The following ZEB1 variants were observed in gnomAD, a reference collection of about 807,000 sequenced individuals.
ZEB1 encodes zinc finger E-box binding homeobox 1, also known as zinc finger E-box-binding homeobox 1.
ZEB1 carries 21 observed loss-of-function variants against 84.9 expected under a neutral mutation model. The observed-to-expected ratio is 0.25, with a 90% CI of 0.18 to 0.36. The LOEUF (loss-of-function observed/expected upper bound fraction) is 0.36, where lower values mean the gene tolerates loss of function less well. ZEB1 is among the 10% of genes least tolerant of loss of function. The pLI is 1.00. For synonymous variants in ZEB1, 420 were observed against 471.1 expected, an observed-to-expected ratio of 0.89 and a Z score of 1.41; for missense variants, 1,104 against 1,330.2, an observed-to-expected ratio of 0.83 and a Z score of 2.65.
At chr10:31,448,175 G>C (rs1353089172) in intron 1 of ZEB1, among the ~76,000 whole-genome samples, 1 of 139,074 alleles carries the variant, frequency 7.2e-6, no homozygotes, top group Non-Finnish European at 1.5e-5. Context: ...ATCTTCCATC[G>C]CTGATACCCT....
chr10:31,409,323 T>C (rs1162950818), intron 1 of ZEB1, among the ~76,000 whole-genome samples: 1 of 152,164 alleles, frequency 6.6e-6, no homozygotes, highest in Non-Finnish European at 1.5e-5. Flanking sequence ...TCAACCATTG[T>C]GGAAGTCAGT....
intron 8 of ZEB1, among the ~76,000 whole-genome samples, 163 bp from the exon 9 acceptor site, chr10:31,526,509 C>T (rs1034337674): frequency 1.3e-5 from 2 of 152,024 alleles, no homozygotes; most frequent in Non-Finnish European, 1.5e-5. Flanking sequence ...AAAGAACAAA[C>T]CAAATTGCAA....
rs562460337 is a variant in ZEB1, at chr10:31,339,278, T to A, written c.58+19986T>A. On this transcript the variant is annotated intron_variant, in intron 1 of 8. Transcript: ENST00000424869. ...CTTAACTTTCAGTGACACATGGTTT[T>A]AACAGGCAAAACACATGACTGTTAA... Among the ~76,000 whole-genome samples the A allele has an allele frequency of 2.0e-5, 3 of 152,332 alleles. No homozygotes were observed. In the South Asian group the frequency reaches 6.2e-4, roughly 32 times the overall value.
chr10:31,400,921 A>G (rs1442332657), intron 1 of ZEB1, among the ~76,000 whole-genome samples: 2 of 152,186 alleles, frequency 1.3e-5, no homozygotes, highest in Admixed American at 1.3e-4. Context: ...AATTTTCTCA[A>G]TTATGACATA....
At chr10:31,474,216 T>C (rs1320892604) in intron 2 of ZEB1, among the ~76,000 whole-genome samples, 1 of 151,982 alleles carries the variant, frequency 6.6e-6, no homozygotes, top group Non-Finnish European at 1.5e-5. Context: ...AAATGGGATC[T>C]AATTAAACTA....
chr10:31,502,867 GTCT>G (rs1177916580), intron 4 of ZEB1, among the ~76,000 whole-genome samples: 2 of 152,088 alleles, frequency 1.3e-5, no homozygotes, highest in Non-Finnish European at 2.9e-5. Context: ...AAATATGGTT[GTCT>G]GCTTTATACC....
intron 1 of ZEB1, among the ~76,000 whole-genome samples, chr10:31,446,869 C>T (rs2059851302): frequency 6.6e-6 from 1 of 151,900 alleles, no homozygotes; most frequent in Admixed American, 6.6e-5. Flanking sequence ...TGGTGTGGTG[C>T]TGAAAAAAAT....
At position 31,502,399 on chromosome 10, in the gene ZEB1, C is replaced by G. The variant is rs771008484; in HGVS notation, c.374C>G (p.Pro125Arg). Residue 125 changes from proline (P) to arginine (R), a missense_variant, in exon 4 of 9, where the codon CCT becomes CGT. Physicochemically the swap from Pro to Arg is moderately radical, Grantham distance 103. Around this residue, in one of 7 missense-constraint regions of ZEB1, gnomAD observed 162 missense variants for 184.5 expected, o/e 0.88. Transcript: ENST00000424869. ...SDAENEQNHD[P>R]NVEEFLQQQD... ...GCAGAAAATGAGCAAAACCATGATC[C>G]TAATGTTGAAGAGTTTCTACAACAA... 1 of 1,613,808 alleles carries G rather than the reference C, an allele frequency of 6.2e-7. No homozygotes were observed. The highest frequency in any genetic ancestry group is 8.5e-7 in the Non-Finnish European group (1 of 1,179,852).
At chr10:31,486,210 G>A (rs887738914) in intron 2 of ZEB1, among the ~76,000 whole-genome samples, 1 of 151,672 alleles carries the variant, frequency 6.6e-6, no homozygotes, top group Non-Finnish European at 1.5e-5. Context: ...CAGGTTTTGG[G>A]GGGTGAAGTT....
At chr10:31,330,456 A>G (rs1049979207) in intron 1 of ZEB1, among the ~76,000 whole-genome samples, 1 of 152,158 alleles carries the variant, frequency 6.6e-6, no homozygotes, top group African/African-American at 2.4e-5. Flanking sequence ...GCCTAAGGAG[A>G]GTGGCCCTAG....
rs2042924913 is a variant in ZEB1 at position 31,360,907 on chromosome 10, C to A, written c.58+41615C>A. The A allele has an allele frequency of 6.9e-6, 10 of 1,457,606 alleles. No individual in the cohort carries two copies. In the Admixed American group the frequency reaches 1.7e-4, roughly 25 times the overall value. 90.3% of individuals were successfully genotyped at this position (1,457,606 alleles called of 1,614,324 possible). The stretch of plus-strand genomic sequence containing the variant: ...TGAGCTGCAGTAACCTGAAACAGTA[C>A]TGCATGGATGCTCTAATAAATTGCA... On this transcript the variant is annotated intron_variant, in intron 1 of 8. Transcript: ENST00000424869.
chr10:31,335,820 T>G (rs1225573426), intron 1 of ZEB1, among the ~76,000 whole-genome samples: 2 of 152,170 alleles, frequency 1.3e-5, no homozygotes, highest in Non-Finnish European at 2.9e-5. Context: ...AAAGCTATTA[T>G]TATTTGCAGA....
chr10:31,335,020 C>T lies in ZEB1; in HGVS notation c.58+15728C>T, dbSNP rs917540995. On this transcript the variant is annotated intron_variant, in intron 1 of 8. Coordinates refer to ENST00000424869, the MANE Select transcript of ZEB1 (RefSeq NM_001174096.2). Reference sequence around the variant, plus strand: ...AATGACTGTCCCCAACTTTTTTTTACGAAGCTCTAAGTATAAAAAATGATG... The same window carrying T: ...AATGACTGTCCCCAACTTTTTTTTATGAAGCTCTAAGTATAAAAAATGATG... Among the ~76,000 whole-genome samples, 5 of 151,868 alleles carry T rather than the reference C, an allele frequency of 3.3e-5. No individual in the cohort carries two copies. The East Asian group carries it at 5.8e-4, about 18-fold the overall frequency.
At chr10:31,499,331 A>G (rs889313385) in intron 3 of ZEB1, among the ~76,000 whole-genome samples, 4 of 152,154 alleles carry the variant, frequency 2.6e-5, no homozygotes, top group Non-Finnish European at 5.9e-5. Flanking sequence ...TGTTAATTTC[A>G]GTATCTTTTA....
chr10:31,404,959 T>C (rs2052707506), intron 1 of ZEB1, among the ~76,000 whole-genome samples: 1 of 152,148 alleles, frequency 6.6e-6, no homozygotes, highest in African/African-American at 2.4e-5. Context: ...AAGGCTCAGC[T>C]TTTTTAATGT....
intron 1 of ZEB1, among the ~76,000 whole-genome samples, chr10:31,370,738 G>A (rs550337284): frequency 6.6e-6 from 1 of 152,224 alleles, no homozygotes; most frequent in South Asian, 2.1e-4. Context: ...TTCTTTCTTT[G>A]ATTATAGTAA....
intron 1 of ZEB1, among the ~76,000 whole-genome samples, chr10:31,432,950 G>A (rs937124712): frequency 1.3e-5 from 2 of 152,152 alleles, no homozygotes; most frequent in Non-Finnish European, 2.9e-5. Flanking sequence ...CTGTTGCAAT[G>A]TGTTGAACTG....
At chr10:31,319,975 C>A in intron 1 of ZEB1, 1 of 149,926 alleles carries the variant, frequency 6.7e-6, no homozygotes, top group South Asian at 1.9e-4. Context: ...CTGTGCGCGC[C>A]GCGGGCGGAC....
intron 1 of ZEB1, among the ~76,000 whole-genome samples, chr10:31,354,353 C>A (rs2133928844): frequency 6.6e-6 from 1 of 152,242 alleles, no homozygotes; most frequent in East Asian, 1.9e-4. Context: ...AGAATATGTT[C>A]ATGCATATTA....
Sources: gnomAD v4.1 joint callset for allele counts (sites outside exome capture counted in the v4.1 genomes callset) on GRCh38, gnomAD v4.1.1 for gene constraint, gnomAD v4.1.1 regional missense constraint, MANE v1.5 for transcripts, NCBI Gene and HGNC (gene_info 2026-07-23, HGNC 2026-07-21) for gene names.